VWA8: variants seen among roughly 807,000 people sequenced by gnomAD.
The protein encoded by VWA8 is von Willebrand factor A domain containing 8.
VWA8 carries 221 observed loss-of-function variants against 241.5 expected under a neutral mutation model. That is an observed-to-expected ratio of 0.91 (90% CI 0.82 to 1.02). VWA8 has a LOEUF of 1.02. VWA8 is among the 50% of genes least tolerant of loss of function. The pLI, the probability that VWA8 is intolerant of heterozygous loss-of-function variation, is 0.00. For missense variants in VWA8, 2,322 were observed against 2,328.7 expected (o/e 1.00, Z 0.06); for synonymous variants, 852 against 827.1 (o/e 1.03, Z -0.52).
At chr13:41,960,064 C>A (rs1032242653) in intron 1 of VWA8, among the ~76,000 whole-genome samples, 4 of 152,172 alleles carry the variant, frequency 2.6e-5, no homozygotes, top group African/African-American at 9.7e-5. Flanking sequence ...AGGGTAGCAA[C>A]AACAGATATC....
intron 34 of VWA8, 73 bp from the exon 35 acceptor site, chr13:41,685,315 C>CT (rs2045128614): frequency 7.2e-7 from 1 of 1,387,358 alleles, no homozygotes; most frequent in South Asian, 1.4e-5. Flanking sequence ...CAACGCAGCC[C>CT]TTTAAGCAGA....
chr13:41,917,602 A>G (rs1054875970), intron 2 of VWA8, among the ~76,000 whole-genome samples: 1 of 152,150 alleles, frequency 6.6e-6, no homozygotes, highest in African/African-American at 2.4e-5. Flanking sequence ...AGAATTATTC[A>G]AGTCTCATCC....
intron 35 of VWA8, among the ~76,000 whole-genome samples, chr13:41,684,374 T>A (rs528550337): frequency 1.3e-5 from 2 of 152,162 alleles, no homozygotes; most frequent in East Asian, 3.9e-4. Flanking sequence ...TAATCAATGA[T>A]CAAACTTTTT....
intron 26 of VWA8, among the ~76,000 whole-genome samples, chr13:41,704,048 C>T (rs1484189953): frequency 6.6e-6 from 1 of 152,138 alleles, no homozygotes. Context: ...GCATGAGCCA[C>T]CGTGCCCAGA....
chr13:41,643,777 G>A (rs1026192426), intron 37 of VWA8, among the ~76,000 whole-genome samples: 1 of 151,972 alleles, frequency 6.6e-6, no homozygotes, highest in Admixed American at 6.6e-5. Flanking sequence ...AAAGAAGGTA[G>A]CCAAAAGAAA....
At position 41,587,620 on chromosome 13, in the gene VWA8, C is replaced by T. The variant is rs1253219901; in HGVS notation, c.5163G>A (p.Val1721=). The change falls in exon 42 of 45, where the codon GTG becomes GTA. Residue 1721 remains valine, a synonymous_variant. Transcript: ENST00000379310. ...TGTTGAAACGGTACATGCTACCAGA[C>T]ACATCTACCACCAGGCGCAGACGCT... is the stretch of plus-strand genomic sequence containing the variant. ...KPKRLRLVVD[V]SGSMYRFNRM... The T allele has an allele frequency of 6.2e-7, 1 of 1,614,214 alleles. No individual in the cohort carries two copies. Among genetic ancestry groups the T allele is most frequent in the Admixed American group, 1.7e-5 (1 of 60,028 alleles).
chr13:41,755,128 G>A (rs556893479), intron 21 of VWA8, among the ~76,000 whole-genome samples: 3 of 152,132 alleles, frequency 2.0e-5, no homozygotes, highest in African/African-American at 7.2e-5. Context: ...TATATACCCA[G>A]CAGTGGGATT....
At chr13:41,763,430 A>G (rs1325852909) in intron 20 of VWA8, among the ~76,000 whole-genome samples, 2 of 152,212 alleles carry the variant, frequency 1.3e-5, no homozygotes, top group Non-Finnish European at 2.9e-5. Context: ...CAAATTGACA[A>G]ATTCACTTAA....
At chr13:41,611,545 G>C in intron 39 of VWA8, 31 bp downstream of exon 39, 1 of 1,611,536 alleles carries the variant, frequency 6.2e-7, no homozygotes. Context: ...CATAGCAGTA[G>C]TGCTGGTCTA....
intron 9 of VWA8, among the ~76,000 whole-genome samples, chr13:41,879,453 C>T (rs1303005331): frequency 1.3e-5 from 2 of 151,082 alleles, no homozygotes; most frequent in African/African-American, 4.9e-5. Flanking sequence ...TTCACTGCTT[C>T]CATCCTCTGC....
At chr13:41,960,762 G>A in intron 1 of VWA8, 91 bp downstream of exon 1, 1 of 1,412,660 alleles carries the variant, frequency 7.1e-7, no homozygotes, top group Non-Finnish European at 9.2e-7. Flanking sequence ...TCCAAGCGCA[G>A]CGAAGCAACA....
At position 41,796,655 on chromosome 13, in the gene VWA8, T is replaced by C. The variant is rs188836645; in HGVS notation, c.2064-9112A>G. Among the ~76,000 whole-genome samples, 155 of 152,284 alleles carry C rather than the reference T, an allele frequency of 1.0e-3. 1 individual carries two copies. Among genetic ancestry groups the C allele is most frequent in the African/African-American group, 3.5e-3 (147 of 41,586 alleles). ...TTTTGTTTGTTAGTTCATGAATTTA[T>C]GCCGTTAACTTCATTATTCCATTCC... is the stretch of plus-strand genomic sequence containing the variant. On this transcript the variant is annotated intron_variant, in intron 17 of 44. Coordinates refer to ENST00000379310, the MANE Select transcript of VWA8 (RefSeq NM_015058.2).
intron 36 of VWA8, among the ~76,000 whole-genome samples, chr13:41,673,868 T>C (rs1314114274): frequency 6.6e-6 from 1 of 152,116 alleles, no homozygotes; most frequent in East Asian, 1.9e-4. Flanking sequence ...AGGTATAACA[T>C]GTGATTCATA....
intron 21 of VWA8, among the ~76,000 whole-genome samples, chr13:41,744,007 G>C (rs184635805): frequency 6.6e-6 from 1 of 152,228 alleles, no homozygotes; most frequent in Non-Finnish European, 1.5e-5. Context: ...ACCCAGAAAT[G>C]CTTGGGAGGT....
At chr13:41,673,056 T>C (rs2045036466) in intron 36 of VWA8, among the ~76,000 whole-genome samples, 2 of 152,216 alleles carry the variant, frequency 1.3e-5, no homozygotes, top group South Asian at 4.1e-4. Flanking sequence ...TACTACAATT[T>C]GCACACTAGG....
At chr13:41,937,648 C>T (rs1877411221) in intron 2 of VWA8, among the ~76,000 whole-genome samples, 1 of 152,126 alleles carries the variant, frequency 6.6e-6, no homozygotes, top group South Asian at 2.1e-4. Context: ...CTGGACCCAT[C>T]AGTTATACCA....
chr13:41,729,810 C>CAT, intron 22 of VWA8, 133 bp from the exon 23 acceptor site: 1 of 422,932 alleles, frequency 2.4e-6, no homozygotes, highest in Non-Finnish European at 3.9e-6. Flanking sequence ...CACACACACA[C>CAT]ACACACACAC....
rs372140357 is a variant in VWA8 at position 41,703,346 on chromosome 13, T to G, written c.3182A>C (p.Gln1061Pro). 2.5e-4 allele frequency: 405 copies of G among 1,613,992 alleles called. 1 individual carries two copies. The highest frequency in any genetic ancestry group is 3.4e-4 in the Non-Finnish European group (398 of 1,179,976). ...WTIGQARSGM[Q>P]KLLCPVETHH... ...AGTTTCCACTGGACACAAGAGTTTT[T>G]GCATCCCACTTCTTGCCTGACCAAT... is the stretch of plus-strand genomic sequence containing the variant. The change falls in exon 27 of 45, where the codon CAA (glutamine) becomes CCA (proline). Residue 1061 changes from glutamine (Q) to proline (P), a missense_variant. Transcript: ENST00000379310.
At chr13:41,861,916 C>T (rs1307904591) in intron 12 of VWA8, among the ~76,000 whole-genome samples, 1 of 152,130 alleles carries the variant, frequency 6.6e-6, no homozygotes, top group Non-Finnish European at 1.5e-5. Flanking sequence ...AAATTACCAA[C>T]ATCATTTTTC....
Sources: gnomAD v4.1 joint callset for allele counts (sites outside exome capture counted in the v4.1 genomes callset) on GRCh38, gnomAD v4.1.1 for gene constraint, MANE v1.5 for transcripts, NCBI Gene and HGNC (gene_info 2026-07-23, HGNC 2026-07-21) for gene names.